TACC3: variants seen among roughly 807,000 people sequenced by gnomAD.
The protein encoded by TACC3 is transforming acidic coiled-coil containing protein 3, also known as transforming acidic coiled-coil-containing protein 3.
TACC3 carries 52 observed loss-of-function variants against 86.0 expected under a neutral mutation model. The observed-to-expected ratio is 0.60, with a 90% CI of 0.48 to 0.76. TACC3 has a LOEUF of 0.76. Ranked by LOEUF, TACC3 falls within the 30% of genes least tolerant of loss-of-function variation. The pLI is 0.00. For synonymous variants in TACC3, 512 were observed against 430.0 expected, an observed-to-expected ratio of 1.19 and a Z score of -2.36; for missense variants, 1,120 against 1,070.4, an observed-to-expected ratio of 1.05 and a Z score of -0.65.
Position 1,735,596 on chromosome 4 carries a change from G to C in TACC3, c.1645-135G>C, listed in dbSNP as rs1718215760. Reference sequence around the variant, plus strand: ...GCTGGGAATGGTGGTGTCTCGGGCAGGGTTGTGGGTGACCGGGGGTGGGAG... The same window carrying C: ...GCTGGGAATGGTGGTGTCTCGGGCACGGTTGTGGGTGACCGGGGGTGGGAG... On this transcript the variant is annotated intron_variant, in intron 7 of 15. Coordinates refer to ENST00000313288, the MANE Select transcript of TACC3 (RefSeq NM_006342.3). The surrounding 1 kb of genome is among the most constrained non-coding windows in gnomAD (Gnocchi z 4.2). 13 of 800,664 alleles carry C rather than the reference G, an allele frequency of 1.6e-5. No homozygotes were observed. The highest frequency in any genetic ancestry group is 1.6e-4 in the South Asian group (11 of 70,496). The allele number at this position is 800,664 out of a possible 1,614,324, so 49.6% of individuals were successfully genotyped here. A position where few individuals can be genotyped will look rare whatever the true frequency, so the allele number is the denominator to read the frequency against.
chr4:1,737,221 C>T lies in TACC3; in HGVS notation c.1749-20C>T. 1 of 1,609,862 alleles carries T rather than the reference C, an allele frequency of 6.2e-7. No homozygotes were observed. The highest frequency in any genetic ancestry group is 1.7e-5 in the Admixed American group (1 of 60,012). On this transcript the variant is annotated intron_variant, in intron 8 of 15. Transcript: ENST00000313288. ...CACTGGGAGGGCCTAGTGACTGAGGCTGCCTCTGCTTGGTGGCAGCATGCA... is the reference window on the plus strand; with the variant it reads ...CACTGGGAGGGCCTAGTGACTGAGGTTGCCTCTGCTTGGTGGCAGCATGCA...
intron 8 of TACC3, 93 bp from the exon 9 acceptor site, chr4:1,737,148 C>A: frequency 9.3e-7 from 1 of 1,077,646 alleles, no homozygotes; most frequent in Non-Finnish European, 1.4e-6. Flanking sequence ...AACTAAAAAG[C>A]AAAGAGCCCG....
intron 2 of TACC3, 71 bp from the exon 3 acceptor site, chr4:1,723,657 C>T (rs1471367166): frequency 1.2e-6 from 2 of 1,610,984 alleles, no homozygotes; most frequent in Non-Finnish European, 1.7e-6. Context: ...CTCTGAGCTG[C>T]AGGACACTGC....
chr4:1,724,485 G>A (rs1717589910), intron 3 of TACC3, among the ~76,000 whole-genome samples: 1 of 141,348 alleles, frequency 7.1e-6, no homozygotes. Flanking sequence ...CCACCTCCCA[G>A]GTTCATGCCA....
chr4:1,741,111 G>T (rs1718578357), intron 13 of TACC3, 125 bp downstream of exon 13: 3 of 928,914 alleles, frequency 3.2e-6, no homozygotes, highest in East Asian at 2.5e-5. Flanking sequence ...TGCCACGGGG[G>T]CATGGGATGA....
rs1577218555 is a variant in TACC3, at chr4:1,735,899, A to G, written c.1748+65A>G. 2 of 1,189,602 alleles carry G rather than the reference A, an allele frequency of 1.7e-6. No individual in the cohort carries two copies. Among genetic ancestry groups the G allele is most frequent in the East Asian group, 2.4e-5 (1 of 42,214 alleles). 73.7% of individuals were successfully genotyped at this position (1,189,602 alleles called of 1,614,324 possible). A position where few individuals can be genotyped will look rare whatever the true frequency, so the allele number is the denominator to read the frequency against. ...TGTGGGAAGACTGGAGGCTGTTCCT[A>G]GGTGTGCTGTCTGCACAGAGGCTTC... On this transcript the variant is annotated intron_variant, in intron 8 of 15. Transcript: ENST00000313288. This position sits in a 1 kb window ranked among gnomAD's most constrained non-coding sequence, Gnocchi z 4.2.
In TACC3 at chr4:1,727,696, C is replaced by G; in HGVS notation, c.306-12C>G. 6.4e-7 allele frequency: 1 copy of G among 1,560,360 alleles called. No homozygotes were observed. The highest frequency in any genetic ancestry group is 8.7e-7 in the Non-Finnish European group (1 of 1,153,188). On this transcript the variant is annotated splice_polypyrimidine_tract_variant and intron_variant, in intron 3 of 15. Coordinates refer to ENST00000313288, the MANE Select transcript of TACC3 (RefSeq NM_006342.3). The stretch of plus-strand genomic sequence containing the variant: ...ACTCGCTGCTTCACGTTGATTAAGT[C>G]TCTTTTAAAAGCCAACAGCTCATCA...
chr4:1,721,652 G>A lies in TACC3; in HGVS notation c.-2+9G>A, dbSNP rs1011477386. The A allele has an allele frequency of 2.6e-5, 4 of 152,230 alleles. No homozygotes were observed. Among genetic ancestry groups the A allele is most frequent in the African/African-American group, 9.7e-5 (4 of 41,412 alleles). 9.4% of individuals were successfully genotyped at this position (152,230 alleles called of 1,614,324 possible). ...AACGGGCGGGCGGGCAGGTAGGAGA[G>A]CGGCTACACGGCGCGGGGAGGCTGG... On this transcript the variant is annotated intron_variant, in intron 1 of 15. Coordinates refer to ENST00000313288, the MANE Select transcript of TACC3 (RefSeq NM_006342.3).
At chr4:1,739,886 G>A (rs958418364) in intron 11 of TACC3, 73 bp from the exon 12 acceptor site, 17 of 1,441,630 alleles carry the variant, frequency 1.2e-5, no homozygotes, top group South Asian at 9.5e-5. Flanking sequence ...CCCTGTCCCC[G>A]TCCCCATCCC....
chr4:1,720,708 C>A, upstream of TACC3: 3 of 1,557,392 alleles, frequency 1.9e-6, no homozygotes, highest in Non-Finnish European at 2.6e-6. The surrounding 1 kb of genome is among the most constrained non-coding windows in gnomAD (Gnocchi z 4.4). Flanking sequence ...GCGGCGTCCT[C>A]GCTGCCCAGC....
chr4:1,728,671 G>A lies in TACC3; in HGVS notation c.1269G>A (p.Lys423=), dbSNP rs958843076. The part of the protein sequence containing the change: ...PNFIPFGGDT[K]SGCSEAQPPE... ...TCATCCCGTTCGGAGGTGACACCAA[G>A]TCTGGTTGCAGTGAGGCCCAGCCCC... The change falls in exon 4 of 16, where the codon AAG becomes AAA. Residue 423 remains lysine, a synonymous_variant. Coordinates refer to ENST00000313288, the MANE Select transcript of TACC3 (RefSeq NM_006342.3). 5 of 1,613,722 alleles carry A rather than the reference G, an allele frequency of 3.1e-6. No individual in the cohort carries two copies. Among genetic ancestry groups the A allele is most frequent in the Non-Finnish European group, 4.2e-6 (5 of 1,180,046 alleles).
Position 1,737,764 on chromosome 4 carries a change from A to T in TACC3, c.1941+62A>T, listed in dbSNP as rs770735978. ...CAGGCCGCTCTGGGGCTTGGCCAAC[A>T]GTGGGCAGGGGTCCAACAGCCTGAC... On this transcript the variant is annotated intron_variant, in intron 10 of 15. Coordinates refer to ENST00000313288, the MANE Select transcript of TACC3 (RefSeq NM_006342.3). 1.2e-5 allele frequency: 18 copies of T among 1,457,856 alleles called. No homozygotes were observed. The South Asian group carries it at 2.1e-4, about 17-fold the overall frequency. The allele number at this position is 1,457,856 out of a possible 1,614,324, so 90.3% of individuals were successfully genotyped here. A position where few individuals can be genotyped will look rare whatever the true frequency, so the allele number is the denominator to read the frequency against.
Position 1,735,693 on chromosome 4 carries a change from TG to T in TACC3, c.1645-36del. On this transcript the variant is annotated intron_variant, in intron 7 of 15. Coordinates refer to ENST00000313288, the MANE Select transcript of TACC3 (RefSeq NM_006342.3). This position sits in a 1 kb window ranked among gnomAD's most constrained non-coding sequence, Gnocchi z 4.2. ...CTTAGCCCCCGTGTGTGTTAGGGGA[TG>T]GCAGTCAGACCTGATCACTTGCCCT... 1 of 1,523,226 alleles carries T rather than the reference TG, an allele frequency of 6.6e-7. No homozygotes were observed. The highest frequency in any genetic ancestry group is 9.1e-7 in the Non-Finnish European group (1 of 1,100,220). The allele number at this position is 1,523,226 out of a possible 1,614,324, so 94.4% of individuals were successfully genotyped here.
chr4:1,730,314 T>G (rs939793480), intron 4 of TACC3: 2 of 207,838 alleles, frequency 9.6e-6, no homozygotes, highest in East Asian at 1.3e-4. Flanking sequence ...TGGGATTACA[T>G]GCGTGAGCCA....
At chr4:1,744,860 GCCGT>G (rs773355961) in intron 15 of TACC3, 28 bp downstream of exon 15, 3 of 1,612,704 alleles carry the variant, frequency 1.9e-6, no homozygotes, top group Non-Finnish European at 2.5e-6. Flanking sequence ...AGCTCAAGGG[GCCGT>G]CTGGCAGCAC....
At chr4:1,737,905 C>T in intron 10 of TACC3, 1 of 679,992 alleles carries the variant, frequency 1.5e-6, no homozygotes, top group East Asian at 2.8e-5. Context: ...CACCCAGTGT[C>T]CCCGCAGTCA....
At chr4:1,721,925 C>G (rs916473782) in intron 1 of TACC3, 2 of 152,334 alleles carry the variant, frequency 1.3e-5, no homozygotes, top group African/African-American at 4.8e-5. Context: ...AGGTGCTTTG[C>G]TCTCCTCGAC....
chr4:1,728,897 T>C, intron 4 of TACC3, 110 bp downstream of exon 4: 1 of 1,147,222 alleles, frequency 8.7e-7, no homozygotes, highest in South Asian at 1.6e-5. Flanking sequence ...TGAGGCCGGG[T>C]AGGTTCTGCC....
chr4:1,738,845 G>A (rs1423155695), intron 10 of TACC3, among the ~76,000 whole-genome samples: 1 of 152,076 alleles, frequency 6.6e-6, no homozygotes, highest in Admixed American at 6.6e-5. Context: ...GGACGGTTAG[G>A]AACAGGTAAC....
Sources: gnomAD v4.1 joint callset for allele counts (sites outside exome capture counted in the v4.1 genomes callset) on GRCh38, gnomAD v4.1.1 for gene constraint, Gnocchi (gnomAD v3.1) non-coding constraint, MANE v1.5 for transcripts, NCBI Gene and HGNC (gene_info 2026-07-23, HGNC 2026-07-21) for gene names.